THSD7A: variants seen among roughly 807,000 people sequenced by gnomAD.
The protein encoded by THSD7A is thrombospondin type-1 domain-containing protein 7A.
THSD7A carries 96 observed loss-of-function variants against 231.3 expected under a neutral mutation model. The observed-to-expected ratio is 0.41, with a 90% CI of 0.35 to 0.49. The LOEUF (loss-of-function observed/expected upper bound fraction) is 0.49. THSD7A is among the 20% of genes least tolerant of loss of function. THSD7A has a pLI of 0.05. For missense variants in THSD7A, 2,290 were observed against 2,070.2 expected (o/e 1.11, Z -2.06); for synonymous variants, 940 against 743.3 (o/e 1.26, Z -4.30).
intron 10 of THSD7A, among the ~76,000 whole-genome samples, chr7:11,461,267 GT>G (rs1785495925): frequency 6.6e-6 from 1 of 152,120 alleles, no homozygotes; most frequent in Non-Finnish European, 1.5e-5. Flanking sequence ...TGTGCATGGT[GT>G]AAGTATACAA....
rs1785526276 is a variant in THSD7A, at chr7:11,462,075, C to T, written c.2437G>A (p.Asp813Asn). ...TCTTCATAGAGGGGATCTGTGCAGT[C>T]TCGGCCCCCGTTGGCTGGCAGCTGA... Reference protein sequence around the residue: ...IIQLPANGGRDCTDPLYEEKA... With the variant: ...IIQLPANGGRNCTDPLYEEKA... The change falls in exon 10 of 28, where the codon GAC (aspartate) becomes AAC (asparagine). Residue 813 changes from aspartate to asparagine, a missense_variant. Physicochemically the swap from Asp to Asn is conservative, Grantham distance 23. Transcript: ENST00000423059. 6.2e-7 allele frequency: 1 copy of T among 1,613,840 alleles called. No individual in the cohort carries two copies. The highest frequency in any genetic ancestry group is 1.7e-4 in the Middle Eastern group (1 of 6,050).
At chr7:11,534,521 G>C (rs535878690) in intron 6 of THSD7A, among the ~76,000 whole-genome samples, 1 of 152,262 alleles carries the variant, frequency 6.6e-6, no homozygotes, top group East Asian at 1.9e-4. Flanking sequence ...GAGGACACTT[G>C]GACCTTTCAG....
chr7:11,746,251 T>C (rs1368710933), intron 1 of THSD7A, among the ~76,000 whole-genome samples: 1 of 151,942 alleles, frequency 6.6e-6, no homozygotes. Context: ...AGAGTTCCCA[T>C]ATAGCCCTCA....
At chr7:11,756,816 C>G (rs1782693659) in intron 1 of THSD7A, among the ~76,000 whole-genome samples, 1 of 152,048 alleles carries the variant, frequency 6.6e-6, no homozygotes, top group South Asian at 2.1e-4. Flanking sequence ...CAGTAGGCAA[C>G]AGCAAGTGAG....
chr7:11,830,686 C>T (rs1290051459), intron 1 of THSD7A, among the ~76,000 whole-genome samples: 5 of 152,148 alleles, frequency 3.3e-5, no homozygotes, highest in Admixed American at 6.5e-5. Context: ...TTCCAGATAT[C>T]GATAGTGATG....
chr7:11,670,436 C>T (rs1478943048), intron 1 of THSD7A, among the ~76,000 whole-genome samples: 2 of 152,188 alleles, frequency 1.3e-5, no homozygotes, highest in African/African-American at 4.8e-5. Context: ...TCTGAATTTT[C>T]ATATACATAA....
chr7:11,820,156 A>T (rs900716936), intron 1 of THSD7A, among the ~76,000 whole-genome samples: 2 of 152,222 alleles, frequency 1.3e-5, no homozygotes, highest in Admixed American at 6.5e-5. Context: ...AGTGGAAGGC[A>T]GCGCCAGGGA....
chr7:11,645,219 A>G (rs1348446882), intron 1 of THSD7A, among the ~76,000 whole-genome samples: 1 of 151,804 alleles, frequency 6.6e-6, no homozygotes, highest in Non-Finnish European at 1.5e-5. Context: ...CCTCTCCTGT[A>G]AATTATTTAT....
rs1472656225 is a variant in THSD7A, at chr7:11,374,286, A to C, written c.*1508T>G. The C allele has an allele frequency of 2.6e-5, 4 of 152,234 alleles. No individual in the cohort carries two copies. The highest frequency in any genetic ancestry group is 3.9e-4 in the East Asian group (2 of 5,182). The allele number at this position is 152,234 out of a possible 1,614,324, so 9.4% of individuals were successfully genotyped here. Reference sequence around the variant, plus strand: ...AAGTTGCAACATAGACCTTGTGGAAAATATTTTCTATATAGTCCTTTACAG... The same window carrying C: ...AAGTTGCAACATAGACCTTGTGGAACATATTTTCTATATAGTCCTTTACAG... On this transcript the variant is annotated 3_prime_UTR_variant, in exon 28 of 28. Transcript: ENST00000423059.
At chr7:11,631,237 G>A (rs1290174686) in intron 2 of THSD7A, among the ~76,000 whole-genome samples, 2 of 152,122 alleles carry the variant, frequency 1.3e-5, no homozygotes, top group African/African-American at 2.4e-5. Context: ...CCGTCTCTGA[G>A]GCACAGATTT....
At chr7:11,426,754 TG>T (rs1401103746) in intron 14 of THSD7A, 83 bp from the exon 15 acceptor site, 12 of 1,405,586 alleles carry the variant, frequency 8.5e-6, no homozygotes, top group Non-Finnish European at 1.1e-5. Flanking sequence ...GAAGAACACA[TG>T]GTAAGTTTCA....
At chr7:11,450,772 T>C (rs1785117482) in intron 11 of THSD7A, among the ~76,000 whole-genome samples, 1 of 152,042 alleles carries the variant, frequency 6.6e-6, no homozygotes, top group Admixed American at 6.6e-5. Context: ...GTGAAGCATG[T>C]ATATGTCATA....
At chr7:11,496,526 A>C (rs1562656994) in intron 6 of THSD7A, among the ~76,000 whole-genome samples, 1 of 152,122 alleles carries the variant, frequency 6.6e-6, no homozygotes, top group Non-Finnish European at 1.5e-5. Context: ...AGACATCCGT[A>C]ATTTTTTTCA....
rs1489254211 is a variant in THSD7A at position 11,636,898 on chromosome 7, C to G, written c.254G>C (p.Trp85Ser). The G allele has an allele frequency of 6.2e-7, 1 of 1,613,726 alleles. No homozygotes were observed. Among genetic ancestry groups the G allele is most frequent in the Non-Finnish European group, 8.5e-7 (1 of 1,179,872 alleles). Residue 85 changes from tryptophan (W) to serine (S), a missense_variant, in exon 2 of 28, where the codon TGG becomes TCG. By Grantham distance (177) the Trp-to-Ser change is radical (BLOSUM62 -3). Transcript: ENST00000423059. This position sits in a 1 kb window ranked among gnomAD's most constrained non-coding sequence, Gnocchi z 10.0. ...GPGGIQTRAVWCAHVEGWTTL... is the reference protein window; with the variant it reads ...GPGGIQTRAVSCAHVEGWTTL... ...AGTCCATCCCTCCACATGAGCACAC[C>G]ACACAGCCCTCGTTTGGATGCCTCC...
rs28711087 is a variant in THSD7A, at chr7:11,625,511, A to G, written c.1022+10619T>C. ...TAAGTAGAGAAGAAAGCATCTCTCA[A>G]TGAAACTTTTGGGAAAAAGCTAGAT... is the stretch of plus-strand genomic sequence containing the variant. On this transcript the variant is annotated intron_variant, in intron 2 of 27. Coordinates refer to ENST00000423059, the MANE Select transcript of THSD7A (RefSeq NM_015204.3). Among the ~76,000 whole-genome samples the G allele has an allele frequency of 9.6e-3, 1,466 of 152,222 alleles. 23 individuals are homozygous for G. Among genetic ancestry groups the G allele is most frequent in the African/African-American group, 0.034 (1,399 of 41,546 alleles).
intron 16 of THSD7A, among the ~76,000 whole-genome samples, chr7:11,423,370 ATT>A (rs757122867): frequency 2.2e-5 from 3 of 136,172 alleles, no homozygotes; most frequent in African/African-American, 2.7e-5. Flanking sequence ...CGAGTGCTGG[ATT>A]TTTTTTTTTT....
At chr7:11,646,680 G>T (rs1362559342) in intron 1 of THSD7A, among the ~76,000 whole-genome samples, 1 of 151,994 alleles carries the variant, frequency 6.6e-6, no homozygotes. Flanking sequence ...TGCTAAGGGA[G>T]TCAAATAAAC....
rs377026132 is a variant in THSD7A, at chr7:11,552,699, T to C, written c.1454-9582A>G. On this transcript the variant is annotated intron_variant, in intron 4 of 27. Coordinates refer to ENST00000423059, the MANE Select transcript of THSD7A (RefSeq NM_015204.3). ...TAGAAGCTGGTAGTTGTGCCAATCA[T>C]GTTTAAAATGGCAACCCCACCTTCC... Among the ~76,000 whole-genome samples the C allele has an allele frequency of 1.6e-4, 25 of 152,240 alleles. No homozygotes were observed. In the South Asian group the frequency reaches 2.1e-3, roughly 13 times the overall value.
intron 6 of THSD7A, among the ~76,000 whole-genome samples, chr7:11,529,987 G>C (rs147938571): frequency 1.3e-4 from 20 of 152,122 alleles, no homozygotes; most frequent in Admixed American, 1.2e-3. Context: ...TTATAAACAG[G>C]TCTCATTTCA....
Sources: allele counts gnomAD v4.1 joint callset (sites outside exome capture counted in the v4.1 genomes callset), GRCh38; gene constraint gnomAD v4.1.1; non-coding constraint Gnocchi (gnomAD v3.1); transcripts MANE v1.5; gene names NCBI Gene and HGNC (gene_info 2026-07-23, HGNC 2026-07-21).